Variants in CSMD1 observed in about 807,000 individuals in gnomAD.
The protein encoded by CSMD1 is CUB and sushi domain-containing protein 1.
CSMD1 carries 213 observed loss-of-function variants against 417.5 expected under a neutral mutation model. The observed-to-expected ratio is 0.51, with a 90% CI of 0.46 to 0.57. The LOEUF (loss-of-function observed/expected upper bound fraction) is 0.57. CSMD1 is among the 20% of genes least tolerant of loss of function. The probability of loss-of-function intolerance (pLI) is 0.00; values close to 1 mark genes in which losing one functional copy is unlikely to be tolerated. For synonymous variants in CSMD1, 2,862 were observed against 1,736.8 expected (o/e 1.65, Z -16.11); for missense variants, 6,923 against 4,529.7 (o/e 1.53, Z -15.17).
intron 17 of CSMD1, among the ~76,000 whole-genome samples, chr8:3,393,521 C>G (rs1811472919): frequency 6.6e-6 from 1 of 152,006 alleles, no homozygotes; most frequent in Admixed American, 6.6e-5. Flanking sequence ...GCATAAATGT[C>G]TTCTTTTGAG....
intron 11 of CSMD1, among the ~76,000 whole-genome samples, chr8:3,493,246 A>G (rs1796209893): frequency 6.8e-6 from 1 of 146,670 alleles, no homozygotes; most frequent in Non-Finnish European, 1.5e-5. Context: ...GTGAGCCGAG[A>G]TCTGACCACT....
intron 3 of CSMD1, among the ~76,000 whole-genome samples, chr8:4,415,553 T>C (rs1303751724): frequency 6.6e-6 from 1 of 152,242 alleles, no homozygotes; most frequent in Non-Finnish European, 1.5e-5. Flanking sequence ...GAATGACTAT[T>C]GAGTCACACC....
chr8:4,885,317 C>A (rs146548009), intron 1 of CSMD1, among the ~76,000 whole-genome samples: 5 of 152,060 alleles, frequency 3.3e-5, no homozygotes, highest in African/African-American at 1.2e-4. Context: ...ATTCTGGATG[C>A]CTTGTCTTTC....
At chr8:4,561,592 G>A (rs146726835) in intron 2 of CSMD1, among the ~76,000 whole-genome samples, 4 of 152,144 alleles carry the variant, frequency 2.6e-5, no homozygotes, top group Non-Finnish European at 4.4e-5. Context: ...TGAAGTGGGA[G>A]GATCCCTTGA....
In CSMD1 at chr8:4,288,646, C is replaced by T. The variant is rs116908435; in HGVS notation, c.415+131307G>A. On this transcript the variant is annotated intron_variant, in intron 3 of 69. Transcript: ENST00000635120. ...TGAAGGATGTTGCCACCAACTCTGCCGCCCTCCCCAATAAAATTCCTTTTC... is the reference window on the plus strand; with the variant it reads ...TGAAGGATGTTGCCACCAACTCTGCTGCCCTCCCCAATAAAATTCCTTTTC... Among the ~76,000 whole-genome samples the T allele has an allele frequency of 3.2e-3, 482 of 152,242 alleles. 3 individuals carry two copies. Among genetic ancestry groups the T allele is most frequent in the Middle Eastern group, 6.8e-3 (2 of 294 alleles).
intron 4 of CSMD1, among the ~76,000 whole-genome samples, chr8:4,026,510 G>T (rs565400838): frequency 6.6e-6 from 1 of 152,290 alleles, no homozygotes; most frequent in South Asian, 2.1e-4. Context: ...ACCACTGGAG[G>T]ATATGTAAGC....
chr8:3,031,896 T>C (rs986481022), intron 50 of CSMD1, among the ~76,000 whole-genome samples: 9 of 151,940 alleles, frequency 5.9e-5, no homozygotes, highest in African/African-American at 1.9e-4. Context: ...TATACCCTCA[T>C]TTATTGTAAA....
chr8:3,039,848 C>T (rs992681291), intron 50 of CSMD1, among the ~76,000 whole-genome samples: 16 of 152,148 alleles, frequency 1.1e-4, no homozygotes, highest in African/African-American at 3.6e-4. Flanking sequence ...CATGCTTTGC[C>T]AAATATCAGC....
chr8:3,113,869 G>A (rs1389840306), intron 42 of CSMD1, among the ~76,000 whole-genome samples: 3 of 152,168 alleles, frequency 2.0e-5, no homozygotes, highest in African/African-American at 7.2e-5. Context: ...TTTATGCAAT[G>A]TGACTTTCTG....
chr8:3,432,298 AAGAT>A (rs1270962150), intron 12 of CSMD1, among the ~76,000 whole-genome samples: 2 of 152,288 alleles, frequency 1.3e-5, no homozygotes, highest in Non-Finnish European at 2.9e-5. Context: ...ATGCAAATGA[AAGAT>A]AGACGGTTAA....
At chr8:4,325,615 C>A (rs1799516122) in intron 3 of CSMD1, among the ~76,000 whole-genome samples, 1 of 152,144 alleles carries the variant, frequency 6.6e-6, no homozygotes, top group South Asian at 2.1e-4. Context: ...AACATGAAAG[C>A]ATCTGAAGAT....
chr8:4,895,906 T>A (rs1244149720), intron 1 of CSMD1, among the ~76,000 whole-genome samples: 1 of 152,090 alleles, frequency 6.6e-6, no homozygotes, highest in African/African-American at 2.4e-5. Flanking sequence ...ACGTTGAATT[T>A]TGGTTCAGAA....
intron 49 of CSMD1, among the ~76,000 whole-genome samples, chr8:3,058,531 GC>G (rs1225811765): frequency 6.6e-6 from 1 of 152,164 alleles, no homozygotes; most frequent in African/African-American, 2.4e-5. Context: ...CATATAAGGT[GC>G]TAAGACAGGA....
intron 1 of CSMD1, among the ~76,000 whole-genome samples, chr8:4,753,458 C>G (rs982464828): frequency 6.6e-6 from 1 of 150,654 alleles, no homozygotes; most frequent in Non-Finnish European, 1.5e-5. Flanking sequence ...TGCGCACACA[C>G]TCCTTTGTGT....
chr8:3,561,564 C>A (rs539512813), intron 10 of CSMD1, among the ~76,000 whole-genome samples: 1 of 151,988 alleles, frequency 6.6e-6, no homozygotes. Flanking sequence ...AAATGGGAAC[C>A]AAACAATGGG....
intron 10 of CSMD1, among the ~76,000 whole-genome samples, chr8:3,517,119 G>A (rs1480195010): frequency 6.6e-6 from 1 of 152,192 alleles, no homozygotes; most frequent in Admixed American, 6.5e-5. Context: ...AGGAGGCCAT[G>A]GTGTGGCTAG....
At chr8:4,521,922 G>A (rs1196618920) in intron 2 of CSMD1, among the ~76,000 whole-genome samples, 1 of 152,228 alleles carries the variant, frequency 6.6e-6, no homozygotes, top group Non-Finnish European at 1.5e-5. Context: ...ATGAGAAGAT[G>A]TGTACATTTT....
At chr8:3,070,372 T>A (rs1203717269) in intron 49 of CSMD1, among the ~76,000 whole-genome samples, 1 of 152,262 alleles carries the variant, frequency 6.6e-6, no homozygotes, top group African/African-American at 2.4e-5. Flanking sequence ...CATTGCTTCC[T>A]GCTTAAATGT....
intron 30 of CSMD1, among the ~76,000 whole-genome samples, chr8:3,213,675 A>C (rs1797734427): frequency 6.8e-6 from 1 of 146,230 alleles, no homozygotes; most frequent in African/African-American, 2.7e-5. Flanking sequence ...GTGTAAATAT[A>C]TATGTGTGTG....
Sources: gnomAD v4.1 joint callset for allele counts (sites outside exome capture counted in the v4.1 genomes callset) on GRCh38, gnomAD v4.1.1 for gene constraint, MANE v1.5 for transcripts, NCBI Gene and HGNC (gene_info 2026-07-23, HGNC 2026-07-21) for gene names.